ARHGAP28: variants seen among roughly 807,000 people sequenced by gnomAD.
ARHGAP28 encodes the protein rho GTPase-activating protein 28.
Under a neutral mutation model 90.7 loss-of-function variants are expected in ARHGAP28, and 56 were observed. That is an observed-to-expected ratio of 0.62 (90% CI 0.50 to 0.77). ARHGAP28 has a LOEUF of 0.77. Ranked by LOEUF, ARHGAP28 falls within the 30% of genes least tolerant of loss-of-function variation. The pLI is 0.00. For missense variants in ARHGAP28, 869 were observed against 900.9 expected, an observed-to-expected ratio of 0.96 and a Z score of 0.45; for synonymous variants, 308 against 323.3, an observed-to-expected ratio of 0.95 and a Z score of 0.51.
At chr18:6,898,508 G>A (rs748462433) in intron 16 of ARHGAP28, 16 of 1,613,912 alleles carry the variant, frequency 9.9e-6, no homozygotes, top group Non-Finnish European at 1.2e-5. Context: ...GAGAAGAGTC[G>A]ACAGAGACCA....
intron 11 of ARHGAP28, among the ~76,000 whole-genome samples, chr18:6,884,934 T>G (rs2057208796): frequency 6.6e-6 from 1 of 152,206 alleles, no homozygotes. Flanking sequence ...TGCCAAATGA[T>G]TCCCTGACTG....
At chr18:6,758,638 T>C (rs2056133315) in intron 1 of ARHGAP28, among the ~76,000 whole-genome samples, 1 of 152,214 alleles carries the variant, frequency 6.6e-6, no homozygotes, top group South Asian at 2.1e-4. Flanking sequence ...GCTTGTCTTT[T>C]AACATTGCAC....
At chr18:6,850,662 G>C (rs2143251947) in intron 3 of ARHGAP28, 1 of 657,592 alleles carries the variant, frequency 1.5e-6, no homozygotes, top group Non-Finnish European at 2.5e-6. Context: ...CCACCAAGTA[G>C]AATTACATTC....
intron 5 of ARHGAP28, among the ~76,000 whole-genome samples, chr18:6,864,230 T>G (rs1355370270): frequency 6.6e-6 from 1 of 152,022 alleles, no homozygotes; most frequent in Non-Finnish European, 1.5e-5. Context: ...CATGCCTGGC[T>G]AATTTTTGTA....
At chr18:6,873,373 G>C in intron 7 of ARHGAP28, 36 bp from the exon 8 acceptor site, 1 of 1,574,486 alleles carries the variant, frequency 6.4e-7, no homozygotes, top group South Asian at 1.2e-5. Flanking sequence ...ATTTTCCTTT[G>C]CCATAAAAAA....
rs899891187 is a variant in ARHGAP28 at position 6,817,140 on chromosome 18, C to T, written c.123-7622C>T. Among the ~76,000 whole-genome samples, 14 of 151,164 alleles carry T rather than the reference C, an allele frequency of 9.3e-5. 1 individual carries two copies. The highest frequency in any genetic ancestry group is 6.6e-4 in the Admixed American group (10 of 15,160). Reference sequence around the variant, plus strand: ...ACCAGCCTGGCCAACATGGTGAAACCCCGTCTCTACTAAAAAAACAAAAAT... The same window carrying T: ...ACCAGCCTGGCCAACATGGTGAAACTCCGTCTCTACTAAAAAAACAAAAAT... On this transcript the variant is annotated intron_variant, in intron 1 of 17. Coordinates refer to ENST00000383472, the MANE Select transcript of ARHGAP28 (RefSeq NM_001366230.1).
intron 17 of ARHGAP28, 38 bp downstream of exon 17, chr18:6,909,062 T>C: frequency 1.8e-6 from 2 of 1,115,000 alleles, no homozygotes; most frequent in Non-Finnish European, 2.7e-6. Flanking sequence ...CTAAATTCTC[T>C]GATTACTCTA....
Position 6,871,058 on chromosome 18 carries a change from T to C in ARHGAP28, c.954+326T>C, listed in dbSNP as rs576860703. Among the ~76,000 whole-genome samples, 16 of 152,284 alleles carry C rather than the reference T, an allele frequency of 1.1e-4. No individual in the cohort carries two copies. The East Asian group carries it at 1.5e-3, about 15-fold the overall frequency. On this transcript the variant is annotated intron_variant, in intron 7 of 17. Coordinates refer to ENST00000383472, the MANE Select transcript of ARHGAP28 (RefSeq NM_001366230.1). ...CTCACGATCTGCCTGCCTCGGCCTC[T>C]CAAAGTGCTGGGATTACAGGTGTGA...
In ARHGAP28 at chr18:6,835,667, G is replaced by A. The variant is rs138523317; in HGVS notation, c.326-1530G>A. ...CATAGTTCCCAGAAACATATGTGTAGTAGATTTTCTGTTACAGGACACTGT... is the reference window on the plus strand; with the variant it reads ...CATAGTTCCCAGAAACATATGTGTAATAGATTTTCTGTTACAGGACACTGT... On this transcript the variant is annotated intron_variant, in intron 2 of 17. Transcript: ENST00000383472. 4.4e-3 allele frequency among the ~76,000 whole-genome samples: 666 copies of A among 152,210 alleles called. 3 individuals carry two copies. The highest frequency in any genetic ancestry group is 7.1e-3 in the Non-Finnish European group (483 of 68,014).
intron 10 of ARHGAP28, among the ~76,000 whole-genome samples, chr18:6,878,023 T>TG (rs2057146151): frequency 6.6e-6 from 1 of 152,054 alleles, no homozygotes; most frequent in Non-Finnish European, 1.5e-5. Flanking sequence ...CATGCATGGG[T>TG]GTATAACATG....
chr18:6,790,663 T>C (rs2056399811), intron 1 of ARHGAP28: 1 of 152,126 alleles, frequency 6.6e-6, no homozygotes, highest in African/African-American at 2.4e-5. Context: ...TGAGAGCAGT[T>C]TGGCAAATAA....
chr18:6,825,189 A>G (rs2056653591), intron 2 of ARHGAP28, among the ~76,000 whole-genome samples: 1 of 152,160 alleles, frequency 6.6e-6, no homozygotes, highest in Admixed American at 6.5e-5. Context: ...GACCTCAACA[A>G]AAATACAAAT....
At chr18:6,841,203 C>CTCTCTCTCTCTCTCTCTCTCT (rs754874496) in intron 3 of ARHGAP28, among the ~76,000 whole-genome samples, 4 of 41,976 alleles carry the variant, frequency 9.5e-5, no homozygotes, top group African/African-American at 3.5e-4. Flanking sequence ...CTCTCTCTCT[C>CTCTCTCTCTCTCTCTCTCTCT]CTCTCCTCTC....
At chr18:6,823,032 G>C (rs922415363) in intron 1 of ARHGAP28, among the ~76,000 whole-genome samples, 3 of 152,168 alleles carry the variant, frequency 2.0e-5, no homozygotes, top group African/African-American at 7.2e-5. Flanking sequence ...CATTGGTCTA[G>C]TTACCTCTTT....
chr18:6,827,600 A>C (rs934254955), intron 2 of ARHGAP28, among the ~76,000 whole-genome samples: 6 of 108,956 alleles, frequency 5.5e-5, no homozygotes, highest in South Asian at 3.2e-4. Flanking sequence ...GCTGACCCCC[A>C]CCTCCCTCCG....
At chr18:6,746,927 A>G (rs2056027845) in intron 1 of ARHGAP28, among the ~76,000 whole-genome samples, 1 of 125,554 alleles carries the variant, frequency 8.0e-6, no homozygotes, top group African/African-American at 2.5e-5. Context: ...TTAATGAAAC[A>G]AAAAACAGCA....
chr18:6,799,052 C>G (rs77818531), intron 1 of ARHGAP28, among the ~76,000 whole-genome samples: 1 of 152,140 alleles, frequency 6.6e-6, no homozygotes, highest in African/African-American at 2.4e-5. Flanking sequence ...TATGTGTTGG[C>G]AGAACCTTTT....
intron 12 of ARHGAP28, 29 bp downstream of exon 12, chr18:6,887,268 C>T (rs1223883396): frequency 6.2e-7 from 1 of 1,604,050 alleles, no homozygotes; most frequent in East Asian, 2.2e-5. Flanking sequence ...ACAGCTTGTC[C>T]TGGGGCTCTT....
intron 3 of ARHGAP28, among the ~76,000 whole-genome samples, chr18:6,846,574 T>G (rs2056867635): frequency 6.6e-6 from 1 of 152,154 alleles, no homozygotes; most frequent in African/African-American, 2.4e-5. Flanking sequence ...TTTATTATAT[T>G]TTTCCGAAGT....
Sources: gnomAD v4.1 joint callset for allele counts (sites outside exome capture counted in the v4.1 genomes callset) on GRCh38, gnomAD v4.1.1 for gene constraint, MANE v1.5 for transcripts, NCBI Gene and HGNC (gene_info 2026-07-23, HGNC 2026-07-21) for gene names.